The following FLRT2 variants were observed in gnomAD, a reference collection of about 807,000 sequenced individuals.
FLRT2 encodes leucine-rich repeat transmembrane protein FLRT2.
Under a neutral mutation model 40.0 loss-of-function variants are expected in FLRT2, and 15 were observed. The observed-to-expected ratio is 0.38, with a 90% CI of 0.25 to 0.58. The LOEUF (loss-of-function observed/expected upper bound fraction) is 0.58. Among genes scored for constraint, FLRT2 ranks in the 20% least tolerant of loss-of-function variants. FLRT2 has a pLI of 0.71. For synonymous variants in FLRT2, 380 were observed against 336.8 expected, an observed-to-expected ratio of 1.13 and a Z score of -1.41; for missense variants, 726 against 840.0, an observed-to-expected ratio of 0.86 and a Z score of 1.68.
At chr14:85,579,948 T>TTTA (rs1555367930) in intron 1 of FLRT2, among the ~76,000 whole-genome samples, 6 of 149,864 alleles carry the variant, frequency 4.0e-5, no homozygotes, top group East Asian at 2.0e-4. Flanking sequence ...TTTTTTTTTT[T>TTTA]AAATAAGTGG....
chr14:85,583,217 G>A (rs1566739441), intron 1 of FLRT2, among the ~76,000 whole-genome samples: 1 of 152,084 alleles, frequency 6.6e-6, no homozygotes, highest in Non-Finnish European at 1.5e-5. Context: ...GAAATACAAG[G>A]GAGATTTATT....
chr14:85,562,440 G>A (rs1566729377), intron 1 of FLRT2, among the ~76,000 whole-genome samples: 1 of 152,112 alleles, frequency 6.6e-6, no homozygotes, highest in Non-Finnish European at 1.5e-5. Context: ...ACCAAATGCA[G>A]GTTATTTGAC....
chr14:85,623,328 C>G lies in FLRT2; in HGVS notation c.1814C>G (p.Thr605Ser), dbSNP rs780650812. Residue 605 changes from threonine to serine, a missense_variant, in exon 2 of 2, where the codon ACC (threonine) becomes AGC (serine). Around this residue, in one of 3 missense-constraint regions of FLRT2, gnomAD observed 611 missense variants for 690.0 expected, o/e 0.89. Transcript: ENST00000330753. ...KDNSILEMTE[T>S]SFQIVSLNND... ...AACTCCATCCTGGAGATGACAGAAACCAGTTTTCAGATCGTCTCCTTAAAT... is the reference window on the plus strand; with the variant it reads ...AACTCCATCCTGGAGATGACAGAAAGCAGTTTTCAGATCGTCTCCTTAAAT... The G allele has an allele frequency of 6.6e-7, 1 of 1,516,442 alleles. No individual in the cohort carries two copies. The highest frequency in any genetic ancestry group is 8.8e-7 in the Non-Finnish European group (1 of 1,133,680). 93.9% of individuals were successfully genotyped at this position (1,516,442 alleles called of 1,614,324 possible). A position where few individuals can be genotyped will look rare whatever the true frequency, so the allele number is the denominator to read the frequency against.
At position 85,601,671 on chromosome 14, in the gene FLRT2, G is replaced by A. The variant is rs138569068; in HGVS notation, c.-376-19468G>A. ...CTACTCCCTGAGCCTCAGTTTGGTC[G>A]CTTATAAAATGAGACTAATGATAAT... On this transcript the variant is annotated intron_variant, in intron 1 of 1. Coordinates refer to ENST00000330753, the MANE Select transcript of FLRT2 (RefSeq NM_013231.6). Among the ~76,000 whole-genome samples, 191 of 152,286 alleles carry A rather than the reference G, an allele frequency of 1.3e-3. 4 individuals are homozygous for A. The highest frequency in any genetic ancestry group is 2.3e-3 in the East Asian group (12 of 5,186).
intron 1 of FLRT2, among the ~76,000 whole-genome samples, chr14:85,536,637 G>T (rs921650729): frequency 6.9e-6 from 1 of 145,738 alleles, no homozygotes; most frequent in Non-Finnish European, 1.5e-5. Context: ...AATACTCATG[G>T]TTTTTTTTTT....
chr14:85,543,570 C>T (rs963058650), intron 1 of FLRT2, among the ~76,000 whole-genome samples: 1 of 151,746 alleles, frequency 6.6e-6, no homozygotes, highest in African/African-American at 2.4e-5. Flanking sequence ...CCTTTAGAAA[C>T]CTATATCTTT....
At chr14:85,545,663 A>G (rs910400780) in intron 1 of FLRT2, among the ~76,000 whole-genome samples, 2 of 152,252 alleles carry the variant, frequency 1.3e-5, no homozygotes, top group African/African-American at 2.4e-5. Context: ...TTTCTGTAAC[A>G]TGGAAATAGT....
chr14:85,610,029 A>G (rs906060964), intron 1 of FLRT2, among the ~76,000 whole-genome samples: 1 of 152,148 alleles, frequency 6.6e-6, no homozygotes, highest in Non-Finnish European at 1.5e-5. Context: ...TGGAAGGGAC[A>G]TTATGCTAAG....
intron 1 of FLRT2, among the ~76,000 whole-genome samples, chr14:85,576,354 C>T (rs753985414): frequency 6.6e-6 from 1 of 152,062 alleles, no homozygotes; most frequent in Non-Finnish European, 1.5e-5. Context: ...GGCTGTTTTC[C>T]TTTATTTAGG....
At chr14:85,592,856 AG>A (rs1373467662) in intron 1 of FLRT2, among the ~76,000 whole-genome samples, 3 of 152,030 alleles carry the variant, frequency 2.0e-5, no homozygotes, top group Non-Finnish European at 4.4e-5. Flanking sequence ...CTGTTCATAC[AG>A]GATACCATGC....
Position 85,634,198 on chromosome 14 carries a change from TTAA to T in FLRT2, c.*10705_*10707del, listed in dbSNP as rs1388234268. 6.6e-6 allele frequency: 1 copy of T among 152,238 alleles called. No homozygotes were observed. Among genetic ancestry groups the T allele is most frequent in the East Asian group, 1.9e-4 (1 of 5,200 alleles). 9.4% of individuals were successfully genotyped at this position (152,238 alleles called of 1,614,324 possible). A position where few individuals can be genotyped will look rare whatever the true frequency, so the allele number is the denominator to read the frequency against. ...CCTTTCTATTTATGTCTTTCCTTGC[TTAA>T]TAAATGCAGAAGTTCAGACATTTGA... On this transcript the variant is annotated 3_prime_UTR_variant, in exon 2 of 2. Coordinates refer to ENST00000330753, the MANE Select transcript of FLRT2 (RefSeq NM_013231.6).
rs1894236670 is a variant in FLRT2 at position 85,644,231 on chromosome 14, G to C, written c.*20734G>C. ...CTCAGGTGGTAATTCCAGTTGCTATGGTTGTGGAAGATATGGTCTCTACTT... is the reference window on the plus strand; with the variant it reads ...CTCAGGTGGTAATTCCAGTTGCTATCGTTGTGGAAGATATGGTCTCTACTT... On this transcript the variant is annotated 3_prime_UTR_variant, in exon 2 of 2. Transcript: ENST00000330753. The C allele has an allele frequency of 6.6e-6, 1 of 152,102 alleles. No individual in the cohort carries two copies. The allele number at this position is 152,102 out of a possible 1,614,324, so 9.4% of individuals were successfully genotyped here.
At chr14:85,583,213 C>T (rs1352309413) in intron 1 of FLRT2, among the ~76,000 whole-genome samples, 1 of 152,104 alleles carries the variant, frequency 6.6e-6, no homozygotes, top group Non-Finnish European at 1.5e-5. Flanking sequence ...ACAGGAAATA[C>T]AAGGGAGATT....
chr14:85,557,431 A>G (rs1414536448), intron 1 of FLRT2, among the ~76,000 whole-genome samples: 1 of 152,174 alleles, frequency 6.6e-6, no homozygotes, highest in African/African-American at 2.4e-5. Context: ...TACATTAGGA[A>G]TATGAAGTAT....
chr14:85,577,795 G>A (rs1412244937), intron 1 of FLRT2, among the ~76,000 whole-genome samples: 2 of 151,914 alleles, frequency 1.3e-5, no homozygotes, highest in Non-Finnish European at 2.9e-5. Flanking sequence ...TGCCCAGGCT[G>A]GCCTCAAACT....
intron 1 of FLRT2, among the ~76,000 whole-genome samples, chr14:85,580,061 GTCTT>G (rs1300964745): frequency 1.3e-5 from 2 of 149,468 alleles, no homozygotes; most frequent in Non-Finnish European, 3.0e-5. Context: ...TTTGCATCTT[GTCTT>G]TCTTTCTGTT....
intron 1 of FLRT2, among the ~76,000 whole-genome samples, chr14:85,542,185 A>G (rs377095840): frequency 1.3e-5 from 2 of 152,202 alleles, no homozygotes; most frequent in Middle Eastern, 3.2e-3. Context: ...ATAATTTTCA[A>G]TTAAGTAAAG....
chr14:85,598,203 C>G (rs1892226698), intron 1 of FLRT2, among the ~76,000 whole-genome samples: 1 of 152,158 alleles, frequency 6.6e-6, no homozygotes, highest in Non-Finnish European at 1.5e-5. Flanking sequence ...CTCATTTAAT[C>G]TTTATAAGCT....
intron 1 of FLRT2, among the ~76,000 whole-genome samples, chr14:85,549,746 T>G (rs1398970866): frequency 6.6e-6 from 1 of 152,072 alleles, no homozygotes; most frequent in Admixed American, 6.6e-5. Flanking sequence ...TAGCATGCAT[T>G]AAAATCCCTA....
Sources: allele counts gnomAD v4.1 joint callset (sites outside exome capture counted in the v4.1 genomes callset), GRCh38; gene constraint gnomAD v4.1.1; regional missense constraint gnomAD v4.1.1; transcripts MANE v1.5; gene names NCBI Gene and HGNC (gene_info 2026-07-23, HGNC 2026-07-21).